The following TENM3 variants were observed in gnomAD, a reference collection of about 807,000 sequenced individuals.
TENM3 encodes teneurin-3.
Under a neutral mutation model 255.1 loss-of-function variants are expected in TENM3, and 63 were observed. The ratio of observed to expected loss-of-function variants is 0.25; its 90% confidence interval spans 0.20 to 0.30. The LOEUF (loss-of-function observed/expected upper bound fraction) is 0.30. Ranked by LOEUF, TENM3 falls within the 10% of genes least tolerant of loss-of-function variation. The pLI is 1.00. For missense variants in TENM3, 2,929 were observed against 3,461.1 expected (o/e 0.85, Z 3.86); for synonymous variants, 1,306 against 1,322.3 (o/e 0.99, Z 0.27).
chr4:182,634,112 A>T (rs1751638930), intron 5 of TENM3, among the ~76,000 whole-genome samples: 1 of 152,184 alleles, frequency 6.6e-6, no homozygotes, highest in South Asian at 2.1e-4. Flanking sequence ...AAATGCTGTC[A>T]CGTGTCCCGT....
the TENM3 span, among the ~76,000 whole-genome samples, chr4:181,988,868 T>G: frequency 6.6e-6 from 1 of 151,894 alleles, no homozygotes; most frequent in Non-Finnish European, 1.5e-5. Flanking sequence ...CAGAGACACC[T>G]CTCCCTGCTC....
At chr4:181,567,718 T>C in the TENM3 span, among the ~76,000 whole-genome samples, 16 of 152,346 alleles carry the variant, frequency 1.1e-4, no homozygotes, top group African/African-American at 3.6e-4. Context: ...AGTTCTTTTT[T>C]ACTCTTTTAT....
chr4:182,579,727 A>T (rs1745301958), intron 3 of TENM3, among the ~76,000 whole-genome samples: 1 of 152,172 alleles, frequency 6.6e-6, no homozygotes, highest in Admixed American at 6.5e-5. Flanking sequence ...GCCAATATGG[A>T]TTAATTTTCA....
At chr4:181,473,850 GTA>G in the TENM3 span, among the ~76,000 whole-genome samples, 556 of 128,046 alleles carry the variant, frequency 4.3e-3, 4 homozygotes, top group African/African-American at 0.014. Context: ...TATATATACA[GTA>G]TATATTCTGT....
chr4:182,464,312 A>T (rs554070764), intron 3 of TENM3, among the ~76,000 whole-genome samples: 15 of 152,280 alleles, frequency 9.9e-5, no homozygotes, highest in Non-Finnish European at 2.2e-4. Flanking sequence ...GCTAGAGTGC[A>T]GTGGTGCAAT....
intron 3 of TENM3, among the ~76,000 whole-genome samples, chr4:182,439,300 CT>C (rs1440701056): frequency 1.3e-5 from 2 of 152,198 alleles, no homozygotes; most frequent in Non-Finnish European, 2.9e-5. Context: ...TCCTATATTA[CT>C]TACTGTGTAT....
chr4:182,463,711 C>A (rs560168797), intron 3 of TENM3, among the ~76,000 whole-genome samples: 1 of 151,908 alleles, frequency 6.6e-6, no homozygotes, highest in South Asian at 2.1e-4. Context: ...GCAACCTCGG[C>A]CTCCTGGGTT....
At chr4:182,795,340 T>C (rs570878923) in intron 26 of TENM3, among the ~76,000 whole-genome samples, 2 of 152,240 alleles carry the variant, frequency 1.3e-5, no homozygotes, top group East Asian at 3.9e-4. Flanking sequence ...TAACAGAATT[T>C]TTGCCCCCAA....
chr4:182,219,474 G>A (rs953256156), intron 1 of TENM3, among the ~76,000 whole-genome samples: 3 of 152,074 alleles, frequency 2.0e-5, no homozygotes, highest in African/African-American at 7.2e-5. Flanking sequence ...ACCAGCCTGG[G>A]CAATATAGTG....
intron 1 of TENM3, among the ~76,000 whole-genome samples, chr4:182,230,559 C>A (rs7684505): frequency 1.3e-3 from 196 of 151,884 alleles, no homozygotes; most frequent in Non-Finnish European, 2.5e-3. Context: ...GCTGTCACAG[C>A]GCTGGCGTTC....
At chr4:182,100,482 C>CAT in the TENM3 span, among the ~76,000 whole-genome samples, 2,937 of 121,292 alleles carry the variant, frequency 0.024, 114 homozygotes, top group African/African-American at 0.067. Flanking sequence ...CACACACACA[C>CAT]ATATATATAT....
intron 5 of TENM3, among the ~76,000 whole-genome samples, chr4:182,648,230 T>TA (rs1191106777): frequency 6.6e-6 from 1 of 151,520 alleles, no homozygotes; most frequent in Non-Finnish European, 1.5e-5. Flanking sequence ...TTAGGGAGGG[T>TA]AAAAAAATGT....
intron 12 of TENM3, among the ~76,000 whole-genome samples, chr4:182,700,338 T>C (rs1229205288): frequency 2.0e-5 from 3 of 152,206 alleles, no homozygotes; most frequent in Non-Finnish European, 4.4e-5. Context: ...AATGGCAGAA[T>C]TTATCTTTGC....
chr4:181,519,117 G>A, the TENM3 span, among the ~76,000 whole-genome samples: 8 of 152,148 alleles, frequency 5.3e-5, no homozygotes, highest in African/African-American at 1.9e-4. Flanking sequence ...TATTTAGACT[G>A]GAAATCTGCA....
chr4:181,884,019 A>T, the TENM3 span, among the ~76,000 whole-genome samples: 1 of 152,182 alleles, frequency 6.6e-6, no homozygotes, highest in Non-Finnish European at 1.5e-5. Context: ...TGATAAATAC[A>T]TTAAATAGTT....
At chr4:181,734,244 A>G in the TENM3 span, among the ~76,000 whole-genome samples, 1 of 151,946 alleles carries the variant, frequency 6.6e-6, no homozygotes, top group Non-Finnish European at 1.5e-5. Flanking sequence ...GGTCTTAGGT[A>G]ACACCTATAT....
the TENM3 span, among the ~76,000 whole-genome samples, chr4:181,465,369 C>T: frequency 6.6e-6 from 1 of 151,748 alleles, no homozygotes; most frequent in African/African-American, 2.4e-5. Context: ...CTGACTAACA[C>T]ATTCTTCATA....
the TENM3 span, among the ~76,000 whole-genome samples, chr4:182,087,287 A>G: frequency 9.4e-3 from 1,436 of 152,344 alleles, 21 homozygotes; most frequent in African/African-American, 0.032. Flanking sequence ...CTACAAGCTA[A>G]GTCTGTTTTT....
chr4:181,598,890 T>C, the TENM3 span, among the ~76,000 whole-genome samples: 3 of 152,188 alleles, frequency 2.0e-5, no homozygotes, highest in African/African-American at 4.8e-5. Context: ...TTTTCAAATG[T>C]ATGTACAGTA....
Sources: gnomAD v4.1 joint callset for allele counts (sites outside exome capture counted in the v4.1 genomes callset) on GRCh38, gnomAD v4.1.1 for gene constraint, MANE v1.5 for transcripts, NCBI Gene and HGNC (gene_info 2026-07-23, HGNC 2026-07-21) for gene names.